The following RAB20 variants were observed in gnomAD, a reference collection of about 807,000 sequenced individuals.
The protein encoded by RAB20 is RAB20, member RAS oncogene family.
In RAB20, 2 loss-of-function variants were observed where a neutral mutation model predicts 3.7. The observed-to-expected ratio is 0.54, with a 90% confidence interval of 0.22 to 1.69. The LOEUF (loss-of-function observed/expected upper bound fraction) is 1.69, where lower values mean the gene tolerates loss of function less well. Among genes scored for constraint, RAB20 ranks in the 40% most tolerant of loss-of-function variants. RAB20 has a pLI of 0.19. For missense variants in RAB20, 276 were observed against 311.9 expected (o/e 0.88, Z 0.87); for synonymous variants, 126 against 130.8 (o/e 0.96, Z 0.25).
intron 1 of RAB20, among the ~76,000 whole-genome samples, chr13:110,553,784 G>C (rs1884995763): frequency 6.6e-6 from 1 of 152,142 alleles, no homozygotes; most frequent in Non-Finnish European, 1.5e-5. Flanking sequence ...CCCGACTGAG[G>C]CTAAAATAGA....
intron 1 of RAB20, among the ~76,000 whole-genome samples, chr13:110,558,850 A>G (rs2139592752): frequency 6.6e-6 from 1 of 152,056 alleles, no homozygotes; most frequent in South Asian, 2.1e-4. Context: ...GGTGTGCGCC[A>G]CCACGCCCTG....
In RAB20 at chr13:110,523,512, T is replaced by C; in HGVS notation, c.*153A>G. On this transcript the variant is annotated 3_prime_UTR_variant, in exon 2 of 2. Transcript: ENST00000267328. The stretch of plus-strand genomic sequence containing the variant: ...GAGACCACACACGTTGACCTCCTCT[T>C]CATAGCCAGCCATCATTTCCACTCC... 7.2e-7 allele frequency: 1 copy of C among 1,395,576 alleles called. No homozygotes were observed. Among genetic ancestry groups the C allele is most frequent in the Admixed American group, 2.7e-5 (1 of 36,496 alleles). 86.4% of individuals were successfully genotyped at this position (1,395,576 alleles called of 1,614,324 possible). A position where few individuals can be genotyped will look rare whatever the true frequency, so the allele number is the denominator to read the frequency against.
At chr13:110,542,595 T>G (rs559703638) in intron 1 of RAB20, among the ~76,000 whole-genome samples, 1 of 152,342 alleles carries the variant, frequency 6.6e-6, no homozygotes, top group African/African-American at 2.4e-5. Context: ...TGTCTTTCGG[T>G]ATCTGGTTTA....
chr13:110,542,024 T>C (rs1045321113), intron 1 of RAB20, among the ~76,000 whole-genome samples: 3 of 152,196 alleles, frequency 2.0e-5, no homozygotes, highest in Non-Finnish European at 2.9e-5. Context: ...GGGAAGGAAC[T>C]GCCAAATAAT....
chr13:110,556,990 G>A (rs760084348), intron 1 of RAB20, among the ~76,000 whole-genome samples: 1 of 152,226 alleles, frequency 6.6e-6, no homozygotes, highest in Non-Finnish European at 1.5e-5. Context: ...TGAGAGGGCA[G>A]CCCGGATTGG....
chr13:110,549,301 A>C (rs1411684387), intron 1 of RAB20, among the ~76,000 whole-genome samples: 7 of 152,248 alleles, frequency 4.6e-5, no homozygotes, highest in Non-Finnish European at 7.3e-5. Flanking sequence ...AGCAGGAAGG[A>C]ATATTTCAGA....
At chr13:110,537,184 T>TG (rs1884661743) in intron 1 of RAB20, among the ~76,000 whole-genome samples, 1 of 151,616 alleles carries the variant, frequency 6.6e-6, no homozygotes, top group African/African-American at 2.4e-5. Flanking sequence ...TTGGTACAGA[T>TG]GGGGTCTCAC....
chr13:110,535,721 G>A (rs986222875), intron 1 of RAB20, among the ~76,000 whole-genome samples: 2 of 152,230 alleles, frequency 1.3e-5, no homozygotes, highest in African/African-American at 4.8e-5. Context: ...CTTCCACGCA[G>A]TGGCTGGCCC....
At chr13:110,528,320 G>A (rs1371049956) in intron 1 of RAB20, among the ~76,000 whole-genome samples, 3 of 149,704 alleles carry the variant, frequency 2.0e-5, no homozygotes, top group Non-Finnish European at 4.4e-5. Flanking sequence ...GGAGGCTGAG[G>A]CAGGAGAACT....
At chr13:110,529,438 C>T (rs1046576120) in intron 1 of RAB20, among the ~76,000 whole-genome samples, 4 of 152,144 alleles carry the variant, frequency 2.6e-5, no homozygotes, top group Admixed American at 6.5e-5. Context: ...TCCCCCAGAC[C>T]GGAGTCCGTC....
At chr13:110,542,448 C>T (rs2479431) in intron 1 of RAB20, among the ~76,000 whole-genome samples, 49,422 of 151,926 alleles carry the variant, frequency 0.33, 8,813 homozygotes, top group African/African-American at 0.47. Flanking sequence ...CAGAACTGAA[C>T]CTTCGTAGCC....
At chr13:110,539,433 C>T (rs74127618) in intron 1 of RAB20, among the ~76,000 whole-genome samples, 6,815 of 152,178 alleles carry the variant, frequency 0.045, 517 homozygotes, top group African/African-American at 0.16. Flanking sequence ...GAGTCCAAAC[C>T]TAAAACTATT....
chr13:110,536,249 G>C (rs1357440098), intron 1 of RAB20, among the ~76,000 whole-genome samples: 1 of 152,108 alleles, frequency 6.6e-6, no homozygotes, highest in Non-Finnish European at 1.5e-5. Context: ...CGGCCCTGCC[G>C]ACGCCAGTTC....
intron 1 of RAB20, among the ~76,000 whole-genome samples, chr13:110,536,477 G>A (rs1289611611): frequency 1.3e-5 from 2 of 152,180 alleles, no homozygotes; most frequent in South Asian, 2.1e-4. Context: ...TGCTTCCGTT[G>A]CCTCCCCACT....
intron 1 of RAB20, among the ~76,000 whole-genome samples, chr13:110,544,348 T>A (rs1013952520): frequency 6.6e-6 from 1 of 152,224 alleles, no homozygotes; most frequent in African/African-American, 2.4e-5. Flanking sequence ...GCTTTATTAT[T>A]GCTCAAAATT....
At position 110,523,402 on chromosome 13, in the gene RAB20, G is replaced by A; in HGVS notation, c.*263C>T. On this transcript the variant is annotated 3_prime_UTR_variant, in exon 2 of 2. Coordinates refer to ENST00000267328, the MANE Select transcript of RAB20 (RefSeq NM_017817.3). ...GACCAGTGCCAGGCAGCGGGGCAGA[G>A]AGCACCAGGGGTCTCGACTCTGCAG... 5 of 667,962 alleles carry A rather than the reference G, an allele frequency of 7.5e-6. No individual in the cohort carries two copies. Among genetic ancestry groups the A allele is most frequent in the Non-Finnish European group, 9.7e-6 (4 of 412,932 alleles). 41.4% of individuals were successfully genotyped at this position (667,962 alleles called of 1,614,324 possible). A position where few individuals can be genotyped will look rare whatever the true frequency, so the allele number is the denominator to read the frequency against.
chr13:110,557,897 T>C (rs1461086672), intron 1 of RAB20, among the ~76,000 whole-genome samples: 1 of 152,266 alleles, frequency 6.6e-6, no homozygotes, highest in Admixed American at 6.5e-5. Context: ...AGGTCTGTGC[T>C]GGGCACACCA....
In RAB20 at chr13:110,555,820, G is replaced by A. The variant is rs903449354; in HGVS notation, c.172+5528C>T. On this transcript the variant is annotated intron_variant, in intron 1 of 1. Transcript: ENST00000267328. The surrounding 1 kb of genome is among the most constrained non-coding windows in gnomAD (Gnocchi z 4.0). ...TCTCACTCTTTACCACGGCCACCGCGAGTGCCCCCAGCCTTCCCTCCTCTC... is the reference window on the plus strand; with the variant it reads ...TCTCACTCTTTACCACGGCCACCGCAAGTGCCCCCAGCCTTCCCTCCTCTC... Among the ~76,000 whole-genome samples, 13 of 152,162 alleles carry A rather than the reference G, an allele frequency of 8.5e-5. No individual in the cohort carries two copies. Among genetic ancestry groups the A allele is most frequent in the African/African-American group, 1.4e-4 (6 of 41,436 alleles).
chr13:110,552,763 G>C (rs1018303533), intron 1 of RAB20, among the ~76,000 whole-genome samples: 1 of 151,960 alleles, frequency 6.6e-6, no homozygotes, highest in Admixed American at 6.6e-5. Flanking sequence ...AGAGCTTAAA[G>C]ATAACAAAGC....
Sources: gnomAD v4.1 joint callset for allele counts (sites outside exome capture counted in the v4.1 genomes callset) on GRCh38, gnomAD v4.1.1 for gene constraint, Gnocchi (gnomAD v3.1) non-coding constraint, MANE v1.5 for transcripts, NCBI Gene and HGNC (gene_info 2026-07-23, HGNC 2026-07-21) for gene names.